The following TENM1 variants were observed in gnomAD, a reference collection of about 807,000 sequenced individuals.
TENM1 encodes teneurin-1.
TENM1 carries 35 observed loss-of-function variants against 174.8 expected under a neutral mutation model. The observed-to-expected ratio is 0.20, with a 90% CI of 0.15 to 0.27. The LOEUF is 0.27. Ranked by LOEUF, TENM1 falls within the 10% of genes least tolerant of loss-of-function variation. The pLI is 1.00. For synonymous variants in TENM1, 781 were observed against 798.7 expected, an observed-to-expected ratio of 0.98 and a Z score of 0.37; for missense variants, 1,633 against 2,130.1, an observed-to-expected ratio of 0.77 and a Z score of 4.59.
chrX:124,563,252 G>C (rs2048860941), intron 13 of TENM1, among the ~76,000 whole-genome samples: 1 of 110,219 alleles, frequency 9.1e-6, no homozygotes, highest in Non-Finnish European at 1.9e-5. Context: ...TGGATGATGG[G>C]ATACTTCTAG....
chrX:125,013,294 G>A, the TENM1 span, among the ~76,000 whole-genome samples: 4 of 111,605 alleles, frequency 3.6e-5, no homozygotes, highest in Admixed American at 9.5e-5. Flanking sequence ...ACTACAAAAC[G>A]ATTGCTTTAA....
At position 124,791,850 on chromosome X, in the gene TENM1, G is replaced by T. The variant is rs185295317; in HGVS notation, c.536-54653C>A. On this transcript the variant is annotated intron_variant, in intron 3 of 31. Transcript: ENST00000422452. The stretch of plus-strand genomic sequence containing the variant: ...CACTGTCTTATTTAATGGCTTGTGT[G>T]TGCATAATTGCGTGTGTGTGTGTGT... Among the ~76,000 whole-genome samples the T allele has an allele frequency of 3.6e-5, 4 of 111,553 alleles. No homozygotes were observed. The East Asian group carries it at 1.1e-3, about 32-fold the overall frequency.
At chrX:124,581,762 T>C (rs949966212) in intron 11 of TENM1, among the ~76,000 whole-genome samples, 1 of 112,039 alleles carries the variant, frequency 8.9e-6, no homozygotes, top group Non-Finnish European at 1.9e-5. Flanking sequence ...TATCTCACTG[T>C]GGTTTTGATT....
the TENM1 span, among the ~76,000 whole-genome samples, chrX:124,983,811 G>T: frequency 9.1e-6 from 1 of 110,141 alleles, no homozygotes; most frequent in Non-Finnish European, 1.9e-5. Context: ...TAGTAGAGAC[G>T]GGGTTTCGCT....
At chrX:125,006,707 G>T in the TENM1 span, among the ~76,000 whole-genome samples, 1 of 111,492 alleles carries the variant, frequency 9.0e-6, no homozygotes, top group Non-Finnish European at 1.9e-5. Context: ...AGCCTCCACT[G>T]GTAATAGCCA....
intron 11 of TENM1, among the ~76,000 whole-genome samples, chrX:124,583,866 G>T (rs1281646108): frequency 5.4e-4 from 57 of 105,356 alleles, no homozygotes; most frequent in Non-Finnish European, 9.6e-4. Context: ...TGAAACCAAG[G>T]CTCGAGAACT....
chrX:125,095,746 T>C, the TENM1 span, among the ~76,000 whole-genome samples: 1 of 111,756 alleles, frequency 8.9e-6, no homozygotes, highest in Non-Finnish European at 1.9e-5. Context: ...TCCAAAAACA[T>C]ATTCTGCAAA....
chrX:125,146,742 C>G, the TENM1 span, among the ~76,000 whole-genome samples: 1 of 111,008 alleles, frequency 9.0e-6, no homozygotes, highest in Non-Finnish European at 1.9e-5. Flanking sequence ...CAAGACTTCC[C>G]TTACTCACGG....
rs752998464 is a variant in TENM1 at position 124,671,842 on chromosome X, G to C, written c.1016-7C>G. 91 of 1,207,079 alleles carry C rather than the reference G, an allele frequency of 7.5e-5. No homozygotes were observed. Among genetic ancestry groups the C allele is most frequent in the Admixed American group, 1.1e-4 (5 of 45,537 alleles). On this transcript the variant is annotated splice_polypyrimidine_tract_variant and splice_region_variant and intron_variant, in intron 5 of 31. Transcript: ENST00000422452. Reference sequence around the variant, plus strand: ...AGGCCGAACAAATGCACTGCTGCAAGAGAACAAGCCATACATTAATTTATT... The same window carrying C: ...AGGCCGAACAAATGCACTGCTGCAACAGAACAAGCCATACATTAATTTATT...
chrX:124,868,016 T>C (rs898414005), intron 3 of TENM1, among the ~76,000 whole-genome samples: 1 of 111,820 alleles, frequency 8.9e-6, no homozygotes, highest in Non-Finnish European at 1.9e-5. Context: ...TCCATGTTCA[T>C]GGACTGGAGG....
the TENM1 span, among the ~76,000 whole-genome samples, chrX:125,202,426 T>C: frequency 1.8e-5 from 2 of 112,166 alleles, no homozygotes; most frequent in South Asian, 7.4e-4. Flanking sequence ...TTCCTTTCTG[T>C]AGCACTGAGA....
chrX:125,097,053 G>GT, the TENM1 span, among the ~76,000 whole-genome samples: 13 of 111,092 alleles, frequency 1.2e-4, no homozygotes, highest in Non-Finnish European at 1.9e-5. Flanking sequence ...GAGCTGCCAT[G>GT]TAACAGTGCA....
chrX:124,403,755 C>T (rs1288634184), intron 27 of TENM1, among the ~76,000 whole-genome samples: 1 of 110,548 alleles, frequency 9.0e-6, no homozygotes, highest in Non-Finnish European at 1.9e-5. Context: ...ACTTAACTTC[C>T]TCGTAAAGCA....
the TENM1 span, among the ~76,000 whole-genome samples, chrX:124,999,464 G>T: frequency 1.0e-3 from 113 of 111,071 alleles, no homozygotes; most frequent in African/African-American, 3.6e-3. Context: ...GGAATCTGAC[G>T]TGATTAACTA....
At chrX:124,472,705 A>T (rs1459354008) in intron 22 of TENM1, among the ~76,000 whole-genome samples, 1 of 111,055 alleles carries the variant, frequency 9.0e-6, no homozygotes, top group Non-Finnish European at 1.9e-5. Flanking sequence ...TGAAGCTAAA[A>T]TGATCTTTTA....
At chrX:125,131,674 A>T in the TENM1 span, among the ~76,000 whole-genome samples, 1 of 111,724 alleles carries the variant, frequency 9.0e-6, no homozygotes, top group African/African-American at 3.3e-5. Flanking sequence ...ATTTTCTGTC[A>T]TTTTTATATT....
At chrX:124,501,711 G>C (rs754263058) in intron 19 of TENM1, among the ~76,000 whole-genome samples, 1 of 111,439 alleles carries the variant, frequency 9.0e-6, no homozygotes, top group Non-Finnish European at 1.9e-5. Flanking sequence ...TGACCCGAGG[G>C]GGAAAGAGCA....
intron 1 of TENM1, among the ~76,000 whole-genome samples, chrX:124,897,762 T>A (rs771202676): frequency 1.8e-5 from 2 of 112,349 alleles, no homozygotes; most frequent in East Asian, 5.6e-4. Context: ...TAAGAGTAAT[T>A]CCCTTTTTCT....
chrX:124,545,393 T>G (rs1474695585), intron 15 of TENM1, among the ~76,000 whole-genome samples: 1 of 112,431 alleles, frequency 8.9e-6, no homozygotes, highest in Non-Finnish European at 1.9e-5. Context: ...ATTGCTCACA[T>G]GCTCTGCTCT....
Sources: gnomAD v4.1 joint callset for allele counts (sites outside exome capture counted in the v4.1 genomes callset) on GRCh38, gnomAD v4.1.1 for gene constraint, MANE v1.5 for transcripts, NCBI Gene and HGNC (gene_info 2026-07-23, HGNC 2026-07-21) for gene names.